MAGI2: variants seen among roughly 807,000 people sequenced by gnomAD.
The protein encoded by MAGI2 is membrane-associated guanylate kinase, WW and PDZ domain-containing protein 2.
MAGI2 carries 35 observed loss-of-function variants against 133.3 expected under a neutral mutation model. The observed-to-expected ratio is 0.26, with a 90% CI of 0.20 to 0.35. The LOEUF is 0.35. Ranked by LOEUF, MAGI2 falls within the 10% of genes least tolerant of loss-of-function variation. The pLI, the probability that MAGI2 is intolerant of heterozygous loss-of-function variation, is 1.00. For missense variants in MAGI2, 1,636 were observed against 1,863.4 expected (o/e 0.88, Z 2.25); for synonymous variants, 729 against 710.6 (o/e 1.03, Z -0.41).
At chr7:78,061,173 A>AC (rs1177119946) in intron 21 of MAGI2, among the ~76,000 whole-genome samples, 2 of 135,040 alleles carry the variant, frequency 1.5e-5, no homozygotes, top group East Asian at 2.3e-4. Context: ...AAAAAAAAAA[A>AC]AAAGGTTTTC....
At chr7:79,414,411 G>A (rs1410234660) in intron 1 of MAGI2, 1 of 152,086 alleles carries the variant, frequency 6.6e-6, no homozygotes, top group African/African-American at 2.4e-5. Context: ...TATAAAGACA[G>A]TAACTGGTGA....
intron 6 of MAGI2, among the ~76,000 whole-genome samples, chr7:78,488,651 A>C (rs767378731): frequency 1.3e-5 from 2 of 152,088 alleles, no homozygotes; most frequent in Non-Finnish European, 2.9e-5. Flanking sequence ...ATTATACAGA[A>C]AGGTACAGAT....
intron 2 of MAGI2, among the ~76,000 whole-genome samples, chr7:78,975,124 C>A (rs930386395): frequency 6.6e-6 from 1 of 151,636 alleles, no homozygotes; most frequent in Non-Finnish European, 1.5e-5. Flanking sequence ...AAAAACCAAG[C>A]AAGCAGGACA....
At chr7:79,331,351 G>T (rs1840059241) in intron 1 of MAGI2, among the ~76,000 whole-genome samples, 1 of 152,056 alleles carries the variant, frequency 6.6e-6, no homozygotes, top group South Asian at 2.1e-4. Context: ...CAGGAAAACT[G>T]TCAACCTCAG....
intron 2 of MAGI2, among the ~76,000 whole-genome samples, chr7:78,875,298 G>C (rs372897446): frequency 6.6e-6 from 1 of 152,176 alleles, no homozygotes; most frequent in Non-Finnish European, 1.5e-5. Context: ...GGGAGGCAGA[G>C]AGCTGAAGTC....
At chr7:78,903,310 C>T (rs1290953342) in intron 2 of MAGI2, among the ~76,000 whole-genome samples, 2 of 150,776 alleles carry the variant, frequency 1.3e-5, no homozygotes, top group Admixed American at 6.6e-5. Flanking sequence ...TCTCCTGCCT[C>T]AGCCTCCCAG....
At chr7:78,061,409 T>TACACACACACACAC (rs59531463) in intron 21 of MAGI2, among the ~76,000 whole-genome samples, 1 of 139,708 alleles carries the variant, frequency 7.2e-6, no homozygotes, top group African/African-American at 2.8e-5. Flanking sequence ...GGACTGGTTG[T>TACACACACACACAC]ACACACACAC....
At chr7:78,166,672 C>G (rs1206797142) in intron 15 of MAGI2, among the ~76,000 whole-genome samples, 1 of 152,162 alleles carries the variant, frequency 6.6e-6, no homozygotes, top group Non-Finnish European at 1.5e-5. Context: ...CATGAATAAG[C>G]CTTATCCTCT....
At chr7:78,085,893 G>A (rs1816585524) in intron 20 of MAGI2, among the ~76,000 whole-genome samples, 1 of 144,550 alleles carries the variant, frequency 6.9e-6, no homozygotes, top group Non-Finnish European at 1.5e-5. Context: ...CCTTTGACTT[G>A]AGCACAGTAT....
At chr7:78,421,857 C>G (rs1057275391) in intron 6 of MAGI2, among the ~76,000 whole-genome samples, 2 of 152,012 alleles carry the variant, frequency 1.3e-5, no homozygotes, top group African/African-American at 4.8e-5. Flanking sequence ...GGAACATTTT[C>G]CTTGGTGTAA....
intron 6 of MAGI2, among the ~76,000 whole-genome samples, chr7:78,407,515 G>T (rs1797493112): frequency 6.6e-6 from 1 of 151,876 alleles, no homozygotes; most frequent in Non-Finnish European, 1.5e-5. Flanking sequence ...ATGTCATGAG[G>T]CTAATGGACT....
At chr7:78,507,929 T>TTTATTGTCTTACATTCAGGAGG (rs1228538596) in intron 4 of MAGI2, among the ~76,000 whole-genome samples, 1 of 152,202 alleles carries the variant, frequency 6.6e-6, no homozygotes, top group Non-Finnish European at 1.5e-5. Context: ...ATCATAGATA[T>TTTATTGTCTTACATTCAGGAGG]TTATTGTCTT....
chr7:78,581,763 G>A (rs1802861955), intron 3 of MAGI2, among the ~76,000 whole-genome samples: 1 of 152,122 alleles, frequency 6.6e-6, no homozygotes, highest in African/African-American at 2.4e-5. Flanking sequence ...AAGACCCAAA[G>A]AACAAGGAAA....
intron 2 of MAGI2, among the ~76,000 whole-genome samples, chr7:78,922,170 T>A (rs1264736806): frequency 1.3e-5 from 2 of 149,678 alleles, no homozygotes; most frequent in Middle Eastern, 3.2e-3. Context: ...TTTATTTTTT[T>A]TTTTGGCATC....
intron 1 of MAGI2, among the ~76,000 whole-genome samples, chr7:79,175,878 C>A (rs1278968095): frequency 6.6e-6 from 1 of 151,946 alleles, no homozygotes; most frequent in Non-Finnish European, 1.5e-5. Context: ...CATGACTGTA[C>A]AATTAAGCAT....
intron 2 of MAGI2, among the ~76,000 whole-genome samples, chr7:78,719,620 T>G (rs766786428): frequency 9.2e-5 from 14 of 152,212 alleles, no homozygotes; most frequent in Non-Finnish European, 1.9e-4. Flanking sequence ...TTTCTTTTAC[T>G]TTCAACGACA....
At chr7:79,115,954 A>G (rs1426416925) in intron 1 of MAGI2, among the ~76,000 whole-genome samples, 1 of 142,440 alleles carries the variant, frequency 7.0e-6, no homozygotes, top group Non-Finnish European at 1.5e-5. Flanking sequence ...CATTTTCCAG[A>G]TTGTCTTTCA....
At chr7:78,157,119 A>G (rs551773701) in intron 16 of MAGI2, among the ~76,000 whole-genome samples, 8 of 152,236 alleles carry the variant, frequency 5.3e-5, no homozygotes, top group South Asian at 2.1e-4. Context: ...AGTATGAGGT[A>G]GCATCAGCTC....
At chr7:79,100,567 T>C (rs576571897) in intron 1 of MAGI2, among the ~76,000 whole-genome samples, 42 of 151,754 alleles carry the variant, frequency 2.8e-4, no homozygotes, top group African/African-American at 9.9e-4. Flanking sequence ...TTTAAAACCT[T>C]AAAATTGATT....
Sources: allele counts gnomAD v4.1 joint callset (sites outside exome capture counted in the v4.1 genomes callset), GRCh38; gene constraint gnomAD v4.1.1; transcripts MANE v1.5; gene names NCBI Gene and HGNC (gene_info 2026-07-23, HGNC 2026-07-21).